Variants in RABGAP1L observed in about 807,000 individuals in gnomAD.
RABGAP1L encodes the protein rab GTPase-activating protein 1-like.
A neutral mutation model predicts 137.7 loss-of-function variants in RABGAP1L; 63 were observed. The observed-to-expected ratio is 0.46, with a 90% confidence interval of 0.37 to 0.56. The LOEUF is 0.56. Ranked by LOEUF, RABGAP1L falls within the 20% of genes least tolerant of loss-of-function variation. The probability of loss-of-function intolerance (pLI) is 0.00; values close to 1 mark genes in which losing one functional copy is unlikely to be tolerated. For synonymous variants in RABGAP1L, 431 were observed against 433.7 expected, an observed-to-expected ratio of 0.99 and a Z score of 0.08; for missense variants, 1,095 against 1,244.0, an observed-to-expected ratio of 0.88 and a Z score of 1.80.
chr1:174,836,244 G>C (rs1248330425), intron 19 of RABGAP1L, among the ~76,000 whole-genome samples: 1 of 152,024 alleles, frequency 6.6e-6, no homozygotes, highest in Non-Finnish European at 1.5e-5. Flanking sequence ...ATGTTAGGAG[G>C]TTTGTACAGG....
chr1:174,686,832 T>G (rs1317885965), intron 15 of RABGAP1L, among the ~76,000 whole-genome samples: 2 of 151,340 alleles, frequency 1.3e-5, no homozygotes, highest in Non-Finnish European at 3.0e-5. Flanking sequence ...TAATTTTAGT[T>G]TTTTTTTCAG....
At chr1:174,292,617 T>G (rs1676738842) in intron 10 of RABGAP1L, among the ~76,000 whole-genome samples, 2 of 151,988 alleles carry the variant, frequency 1.3e-5, no homozygotes, top group African/African-American at 4.8e-5. Flanking sequence ...CAGAGTATAC[T>G]CTATATGATT....
chr1:174,819,879 A>G (rs1455471655), intron 19 of RABGAP1L, among the ~76,000 whole-genome samples: 4 of 152,340 alleles, frequency 2.6e-5, no homozygotes, highest in Admixed American at 6.5e-5. Context: ...CCTCAAAAGA[A>G]TGGACCTTTC....
intron 19 of RABGAP1L, among the ~76,000 whole-genome samples, chr1:174,925,487 G>C (rs1288833688): frequency 1.3e-5 from 2 of 151,904 alleles, no homozygotes; most frequent in Non-Finnish European, 2.9e-5. Flanking sequence ...GAGATAAGAG[G>C]AGAGTGGAGG....
intron 13 of RABGAP1L, among the ~76,000 whole-genome samples, chr1:174,563,527 G>A (rs1261540500): frequency 6.6e-6 from 1 of 151,946 alleles, no homozygotes; most frequent in Non-Finnish European, 1.5e-5. Context: ...AACTTGCAAG[G>A]ACTAAATAAA....
intron 11 of RABGAP1L, among the ~76,000 whole-genome samples, chr1:174,341,864 C>A (rs1682002601): frequency 6.6e-6 from 1 of 152,080 alleles, no homozygotes; most frequent in African/African-American, 2.4e-5. Flanking sequence ...CACACTGATA[C>A]TTATCTGAAG....
intron 2 of RABGAP1L, among the ~76,000 whole-genome samples, chr1:174,219,848 T>A (rs1211931484): frequency 6.6e-6 from 1 of 152,184 alleles, no homozygotes; most frequent in Non-Finnish European, 1.5e-5. Context: ...AACTCAGTTA[T>A]ATAGGCTTGA....
chr1:174,737,228 G>A (rs932611201), intron 17 of RABGAP1L, among the ~76,000 whole-genome samples: 6 of 152,030 alleles, frequency 3.9e-5, no homozygotes, highest in African/African-American at 1.5e-4. Flanking sequence ...TCCCATATTT[G>A]ATTGTAGGTT....
chr1:174,894,099 T>C (rs1290934097), intron 19 of RABGAP1L, among the ~76,000 whole-genome samples: 1 of 152,196 alleles, frequency 6.6e-6, no homozygotes, highest in African/African-American at 2.4e-5. Flanking sequence ...TTTGATAATT[T>C]CGGATTCCAT....
chr1:174,695,581 T>A (rs1320814727), intron 15 of RABGAP1L, among the ~76,000 whole-genome samples: 1 of 152,202 alleles, frequency 6.6e-6, no homozygotes, highest in Non-Finnish European at 1.5e-5. Flanking sequence ...ATGTCACATA[T>A]CTCTCACTCC....
intron 3 of RABGAP1L, among the ~76,000 whole-genome samples, chr1:174,225,494 C>CTTTTTTTTTTTTTTTTTTTTTTTT (rs59323156): frequency 9.5e-6 from 1 of 105,710 alleles, no homozygotes; most frequent in African/African-American, 3.5e-5. Context: ...AGAATGTTGA[C>CTTTTTTTTTTTTTTTTTTTTTTTT]TTTTTTTTTT....
At chr1:174,404,874 A>C (rs756587972) in intron 13 of RABGAP1L, among the ~76,000 whole-genome samples, 4 of 152,176 alleles carry the variant, frequency 2.6e-5, no homozygotes, top group Non-Finnish European at 4.4e-5. Flanking sequence ...AATAATAAAA[A>C]ACAACTGCAA....
At position 174,992,561 on chromosome 1, in the gene RABGAP1L, C is replaced by T. The variant is rs1405931942; in HGVS notation, c.*2560C>T. 6.6e-6 allele frequency: 1 copy of T among 151,662 alleles called. No individual in the cohort carries two copies. Among genetic ancestry groups the T allele is most frequent in the Non-Finnish European group, 1.5e-5 (1 of 67,944 alleles). The allele number at this position is 151,662 out of a possible 1,614,324, so 9.4% of individuals were successfully genotyped here. On this transcript the variant is annotated 3_prime_UTR_variant, in exon 26 of 26. Transcript: ENST00000681986. ...TATTTTTTTTTTTTTTATTCTCCAG[C>T]CCCATATCATACTTGGGTATGCCTG...
At chr1:174,401,464 A>C (rs1208184482) in intron 13 of RABGAP1L, among the ~76,000 whole-genome samples, 1 of 152,198 alleles carries the variant, frequency 6.6e-6, no homozygotes, top group Non-Finnish European at 1.5e-5. Flanking sequence ...TGCATAAATG[A>C]AGTTTGAAGT....
chr1:174,608,018 G>C (rs1022976694), intron 13 of RABGAP1L, among the ~76,000 whole-genome samples: 51 of 152,274 alleles, frequency 3.3e-4, no homozygotes, highest in African/African-American at 1.1e-3. Flanking sequence ...TTGATTATGG[G>C]AGTAGTTCCA....
At chr1:174,327,994 T>TATAC (rs1680660508) in intron 11 of RABGAP1L, among the ~76,000 whole-genome samples, 20 of 77,394 alleles carry the variant, frequency 2.6e-4, no homozygotes, top group African/African-American at 9.8e-4. Context: ...CACATATATA[T>TATAC]ATATATATAT....
intron 13 of RABGAP1L, among the ~76,000 whole-genome samples, chr1:174,543,192 G>A (rs917272579): frequency 1.3e-5 from 2 of 152,044 alleles, no homozygotes; most frequent in East Asian, 1.9e-4. Context: ...TTGACAGTGG[G>A]GTGTTAAAGT....
chr1:174,874,408 G>A, intron 19 of RABGAP1L: 1 of 945,138 alleles, frequency 1.1e-6, no homozygotes, highest in Non-Finnish European at 1.3e-6. Flanking sequence ...CTTGCCCGGG[G>A]ACGGACAGCT....
chr1:174,616,639 C>T (rs1376892557), intron 13 of RABGAP1L, among the ~76,000 whole-genome samples: 1 of 152,160 alleles, frequency 6.6e-6, no homozygotes, highest in African/African-American at 2.4e-5. Flanking sequence ...ACAAGACTTC[C>T]AAAATAATTA....
Sources: allele counts gnomAD v4.1 joint callset (sites outside exome capture counted in the v4.1 genomes callset), GRCh38; gene constraint gnomAD v4.1.1; transcripts MANE v1.5; gene names NCBI Gene and HGNC (gene_info 2026-07-23, HGNC 2026-07-21).